LIMS2: variants seen among roughly 807,000 people sequenced by gnomAD.
LIMS2 encodes LIM zinc finger domain containing 2.
In LIMS2, 30 loss-of-function variants were observed where a neutral mutation model predicts 45.3. The ratio of observed to expected loss-of-function variants is 0.66; its 90% CI spans 0.50 to 0.90. LIMS2 has a LOEUF of 0.90. Ranked by LOEUF, LIMS2 falls within the 40% of genes least tolerant of loss-of-function variation. The pLI is 0.00. For synonymous variants in LIMS2, 173 were observed against 188.0 expected (o/e 0.92, Z 0.65); for missense variants, 485 against 468.7 (o/e 1.03, Z -0.32).
At chr2:127,649,394 T>A (rs1451148918) in intron 4 of LIMS2, among the ~76,000 whole-genome samples, 4 of 152,242 alleles carry the variant, frequency 2.6e-5, no homozygotes, top group Non-Finnish European at 1.5e-5. Flanking sequence ...CTCCAGCCTC[T>A]GCTTCAGCCT....
intron 3 of LIMS2, 61 bp downstream of exon 3, chr2:127,654,769 C>T (rs545228027): frequency 6.4e-7 from 1 of 1,565,348 alleles, no homozygotes; most frequent in Non-Finnish European, 8.8e-7. Context: ...CGGCCCCCTG[C>T]CCCCCGCCAC....
rs1307377189 is a variant in LIMS2 at position 127,643,048 on chromosome 2, G to T, written c.384C>A (p.Asn128Lys). The change falls in exon 5 of 10, where the codon AAC (asparagine) becomes AAA (lysine). Residue 128 changes from asparagine (N) to lysine (K), a missense_variant. Transcript: ENST00000355119. ...AGRHLCRPCH[N>K]REKAKGLGKY... ...TGCCCAGGCCCTTGGCCTTCTCACG[G>T]TTGTGGCAAGGCCGGCAGAGATGCC... 1 of 1,585,024 alleles carries T rather than the reference G, an allele frequency of 6.3e-7. No homozygotes were observed. Among genetic ancestry groups the T allele is most frequent in the Non-Finnish European group, 8.6e-7 (1 of 1,166,354 alleles).
Position 127,639,246 on chromosome 2 carries a change from C to T in LIMS2, c.*35G>A, listed in dbSNP as rs369706239. On this transcript the variant is annotated 3_prime_UTR_variant, in exon 10 of 10. Coordinates refer to ENST00000355119, the MANE Select transcript of LIMS2 (RefSeq NM_001161403.3). ...GCATGGACAGCAGGAGGGGAGAAGGCGGAGGGGCCGAGAGGCAGCTGCGCA... is the reference window on the plus strand; with the variant it reads ...GCATGGACAGCAGGAGGGGAGAAGGTGGAGGGGCCGAGAGGCAGCTGCGCA... The T allele has an allele frequency of 1.2e-5, 19 of 1,606,092 alleles. No individual in the cohort carries two copies. The highest frequency in any genetic ancestry group is 1.1e-4 in the African/African-American group (8 of 74,834).
intron 1 of LIMS2, 29 bp downstream of exon 1, chr2:127,674,984 CG>C: frequency 2.4e-6 from 3 of 1,228,826 alleles, no homozygotes; most frequent in Non-Finnish European, 3.0e-6. Flanking sequence ...CCCGCCTCCC[CG>C]GCCCGGGGGC....
chr2:127,681,163 C>T (rs999231929), intron 1 of LIMS2, among the ~76,000 whole-genome samples: 4 of 152,190 alleles, frequency 2.6e-5, no homozygotes, highest in African/African-American at 9.7e-5. Flanking sequence ...CGTCCCCATG[C>T]CGCCTGACGG....
At chr2:127,661,856 C>T (rs190567706) in intron 1 of LIMS2, among the ~76,000 whole-genome samples, 10 of 152,312 alleles carry the variant, frequency 6.6e-5, no homozygotes, top group Admixed American at 2.0e-4. Context: ...GAGTCAGTAA[C>T]CAGCTGAGGG....
At position 127,664,615 on chromosome 2, in the gene LIMS2, G is replaced by A; in HGVS notation, c.12-7053C>T. ...GGATATTGTTCGCGCCGCGGGGGCAGCTCCTGAAAGCTGAGGCTGGCGGGG... is the reference window on the plus strand; with the variant it reads ...GGATATTGTTCGCGCCGCGGGGGCAACTCCTGAAAGCTGAGGCTGGCGGGG... On this transcript the variant is annotated intron_variant, in intron 1 of 9. Transcript: ENST00000355119. The surrounding 1 kb of genome is among the most constrained non-coding windows in gnomAD (Gnocchi z 5.5). The A allele has an allele frequency of 9.0e-7, 1 of 1,111,474 alleles. No homozygotes were observed. The highest frequency in any genetic ancestry group is 1.1e-6 in the Non-Finnish European group (1 of 912,002). 68.9% of individuals were successfully genotyped at this position (1,111,474 alleles called of 1,614,324 possible).
chr2:127,654,717 T>TG, intron 3 of LIMS2, 113 bp downstream of exon 3: 1 of 1,460,506 alleles, frequency 6.8e-7, no homozygotes, highest in Non-Finnish European at 9.5e-7. Context: ...AGAGGCAAGG[T>TG]GGGGAGTTAG....
chr2:127,644,952 A>G (rs1682805419), intron 4 of LIMS2, among the ~76,000 whole-genome samples: 1 of 152,226 alleles, frequency 6.6e-6, no homozygotes. Flanking sequence ...CCAGATGGGA[A>G]ACAGCTTCTC....
In LIMS2 at chr2:127,650,290, G is replaced by A. The variant is rs1003091814; in HGVS notation, c.359+4134C>T. Reference sequence around the variant, plus strand: ...CCAAGGCTTGGGCTGAGGAGGAGCTGGAATCCCGGAGACACACTGCCCCCG... The same window carrying A: ...CCAAGGCTTGGGCTGAGGAGGAGCTAGAATCCCGGAGACACACTGCCCCCG... On this transcript the variant is annotated intron_variant, in intron 4 of 9. Transcript: ENST00000355119. The A allele has an allele frequency of 6.9e-6, 4 of 579,554 alleles. No homozygotes were observed. In the Admixed American group the frequency reaches 1.3e-4, roughly 18 times the overall value. 35.9% of individuals were successfully genotyped at this position (579,554 alleles called of 1,614,324 possible).
At chr2:127,665,319 A>G (rs574787646) in intron 1 of LIMS2, among the ~76,000 whole-genome samples, 32 of 152,304 alleles carry the variant, frequency 2.1e-4, no homozygotes, top group African/African-American at 7.7e-4. Flanking sequence ...GGCAGCCGTC[A>G]CTAAAGACAG....
In LIMS2 at chr2:127,651,802, A is replaced by G. The variant is rs143265344; in HGVS notation, c.359+2622T>C. 752 of 1,553,572 alleles carry G rather than the reference A, an allele frequency of 4.8e-4. 5 individuals are homozygous for G. The African/African-American group carries it at 7.1e-3, about 15-fold the overall frequency. Reference sequence around the variant, plus strand: ...GAGCGCAGACTGTTTAGGACTCAGCAGACCCAGCAAGAGGCATCTGCCCTT... The same window carrying G: ...GAGCGCAGACTGTTTAGGACTCAGCGGACCCAGCAAGAGGCATCTGCCCTT... On this transcript the variant is annotated intron_variant, in intron 4 of 9. Transcript: ENST00000355119.
At chr2:127,648,019 C>G (rs949476672) in intron 4 of LIMS2, 3 of 985,822 alleles carry the variant, frequency 3.0e-6, no homozygotes, top group Non-Finnish European at 3.6e-6. Flanking sequence ...CTGTCTCCCT[C>G]TCCCAAGCAT....
chr2:127,639,531 C>G, intron 9 of LIMS2, 103 bp from the exon 10 acceptor site: 1 of 1,417,500 alleles, frequency 7.1e-7, no homozygotes, highest in Non-Finnish European at 9.7e-7. Context: ...CCTCCCCACA[C>G]CAGCCTCTCC....
chr2:127,656,991 A>G (rs1208679270), intron 2 of LIMS2, among the ~76,000 whole-genome samples: 1 of 152,120 alleles, frequency 6.6e-6, no homozygotes, highest in Non-Finnish European at 1.5e-5. Flanking sequence ...CCCTCCCCTC[A>G]GGTGTGCCCA....
chr2:127,643,155 T>A, intron 4 of LIMS2, 83 bp from the exon 5 acceptor site: 2 of 1,428,386 alleles, frequency 1.4e-6, no homozygotes, highest in East Asian at 2.5e-5. Flanking sequence ...GCCAGACCCC[T>A]GCAACTTCAC....
Position 127,653,025 on chromosome 2 carries a change from G to A in LIMS2, c.359+1399C>T, listed in dbSNP as rs552046056. Reference sequence around the variant, plus strand: ...ACCCTGTCGGCGACGTTGCTGGTCAGCACGAGCTCCTGGTGCTGTCCCTCG... The same window carrying A: ...ACCCTGTCGGCGACGTTGCTGGTCAACACGAGCTCCTGGTGCTGTCCCTCG... On this transcript the variant is annotated intron_variant, in intron 4 of 9. Transcript: ENST00000355119. The surrounding 1 kb of genome is among the most constrained non-coding windows in gnomAD (Gnocchi z 5.3). 3.9e-5 allele frequency among the ~76,000 whole-genome samples: 6 copies of A among 152,360 alleles called. No individual in the cohort carries two copies. The South Asian group carries it at 1.2e-3, about 32-fold the overall frequency.
rs935697547 is a variant in LIMS2, at chr2:127,671,481, A to G, written c.11+3533T>C. Among the ~76,000 whole-genome samples, 1 of 151,564 alleles carries G rather than the reference A, an allele frequency of 6.6e-6. No individual in the cohort carries two copies. The highest frequency in any genetic ancestry group is 1.5e-5 in the Non-Finnish European group (1 of 67,946). On this transcript the variant is annotated intron_variant, in intron 1 of 9. Coordinates refer to ENST00000355119, the MANE Select transcript of LIMS2 (RefSeq NM_001161403.3). The surrounding 1 kb of genome is among the most constrained non-coding windows in gnomAD (Gnocchi z 4.1). ...TGCGGCACAGCACAGATAGGGACAG[A>G]CAGAAGAAGGATAACCCGCTGTGGA...
chr2:127,657,754 G>A (rs986111288), intron 1 of LIMS2, among the ~76,000 whole-genome samples, 192 bp from the exon 2 acceptor site: 4 of 152,180 alleles, frequency 2.6e-5, no homozygotes, highest in African/African-American at 9.7e-5. Flanking sequence ...GGTGTCAGGG[G>A]CCCAGTCAAC....
Sources: allele counts gnomAD v4.1 joint callset (sites outside exome capture counted in the v4.1 genomes callset), GRCh38; gene constraint gnomAD v4.1.1; non-coding constraint Gnocchi (gnomAD v3.1); transcripts MANE v1.5; gene names NCBI Gene and HGNC (gene_info 2026-07-23, HGNC 2026-07-21).